The following PGR variants were observed in gnomAD, a reference collection of about 807,000 sequenced individuals.
PGR encodes progesterone receptor, also known as nuclear receptor subfamily 3 group C member 3.
In PGR, 25 loss-of-function variants were observed where a neutral mutation model predicts 76.1. That is an observed-to-expected ratio of 0.33 (90% CI 0.24 to 0.46). The LOEUF (loss-of-function observed/expected upper bound fraction) is 0.46, where lower values mean the gene tolerates loss of function less well. Among genes scored for constraint, PGR ranks in the 20% least tolerant of loss-of-function variants. The pLI, the probability that PGR is intolerant of heterozygous loss-of-function variation, is 1.00. For missense variants in PGR, 1,172 were observed against 1,225.3 expected (o/e 0.96, Z 0.65); for synonymous variants, 579 against 535.0 (o/e 1.08, Z -1.14).
intron 2 of PGR, among the ~76,000 whole-genome samples, chr11:101,110,235 C>T (rs1441369856): frequency 6.6e-6 from 1 of 152,158 alleles, no homozygotes; most frequent in Non-Finnish European, 1.5e-5. Flanking sequence ...CTACAGCTGC[C>T]ATAGATTGTA....
intron 2 of PGR, among the ~76,000 whole-genome samples, chr11:101,093,572 T>C (rs1861745889): frequency 6.6e-6 from 1 of 152,198 alleles, no homozygotes; most frequent in East Asian, 1.9e-4. Flanking sequence ...GGAACTTTCC[T>C]GCCTCAGCCT....
chr11:101,128,597 C>G lies in PGR; in HGVS notation c.474G>C (p.Gln158His). The G allele has an allele frequency of 6.3e-7, 1 of 1,593,364 alleles. No homozygotes were observed. Among genetic ancestry groups the G allele is most frequent in the South Asian group, 1.1e-5 (1 of 88,810 alleles). Residue 158 changes from glutamine (Q) to histidine (H), a missense_variant, in exon 1 of 8, where the codon CAG becomes CAC. By Grantham distance (24) the Gln-to-His change is conservative. This residue lies in a region of PGR where 893 missense variants were observed against 785.9 expected (regional missense o/e 1.14). Coordinates refer to ENST00000325455, the MANE Select transcript of PGR (RefSeq NM_000926.4). The stretch of plus-strand genomic sequence containing the variant: ...GGCTCATGAGCGGGGACAACACCCG[C>G]TGGGTGGCGGGGGCAGCCGGTGGAT... ...PEDPPAAPATQRVLSPLMSRS... is the reference protein window; with the variant it reads ...PEDPPAAPATHRVLSPLMSRS...
chr11:101,061,532 A>C (rs1274993471), intron 4 of PGR, among the ~76,000 whole-genome samples: 1 of 152,184 alleles, frequency 6.6e-6, no homozygotes, highest in Non-Finnish European at 1.5e-5. Context: ...TCTTTTTCTA[A>C]AAGTGCCATT....
intron 3 of PGR, among the ~76,000 whole-genome samples, chr11:101,084,374 G>A (rs1471868079): frequency 6.6e-6 from 1 of 152,064 alleles, no homozygotes; most frequent in Non-Finnish European, 1.5e-5. Flanking sequence ...GTCACAGAGT[G>A]GGTCCAGGCA....
intron 2 of PGR, among the ~76,000 whole-genome samples, chr11:101,101,757 T>C (rs372258252): frequency 7.2e-5 from 11 of 152,358 alleles, no homozygotes; most frequent in African/African-American, 4.8e-5. Context: ...GTCATTCTTG[T>C]CATTAAATTT....
chr11:101,089,930 G>A (rs931575015), intron 3 of PGR, among the ~76,000 whole-genome samples: 3 of 152,214 alleles, frequency 2.0e-5, no homozygotes, highest in Non-Finnish European at 4.4e-5. Context: ...CGGGTGCAGT[G>A]GCTCACGCCT....
In PGR at chr11:101,038,900, A is replaced by C; in HGVS notation, c.*216T>G. 4.4e-6 allele frequency: 2 copies of C among 454,874 alleles called. No individual in the cohort carries two copies. Among genetic ancestry groups the C allele is most frequent in the Non-Finnish European group, 7.8e-6 (2 of 256,178 alleles). The allele number at this position is 454,874 out of a possible 1,614,324, so 28.2% of individuals were successfully genotyped here. ...CTTTTTCAATCTTGTAAATTCTTCA[A>C]GAAAATATGGGTAAACAAAACAGTT... On this transcript the variant is annotated 3_prime_UTR_variant, in exon 8 of 8. Coordinates refer to ENST00000325455, the MANE Select transcript of PGR (RefSeq NM_000926.4).
At chr11:101,101,121 A>G (rs1861985065) in intron 2 of PGR, among the ~76,000 whole-genome samples, 1 of 152,228 alleles carries the variant, frequency 6.6e-6, no homozygotes, top group Non-Finnish European at 1.5e-5. Flanking sequence ...TTGCTGTGAC[A>G]GATGATTTGC....
intron 3 of PGR, among the ~76,000 whole-genome samples, chr11:101,064,689 A>G (rs964545944): frequency 6.6e-6 from 1 of 152,164 alleles, no homozygotes; most frequent in African/African-American, 2.4e-5. Flanking sequence ...TCTTTTGGCA[A>G]TACATGTCTG....
At chr11:101,074,849 C>T (rs1298047493) in intron 3 of PGR, among the ~76,000 whole-genome samples, 1 of 152,166 alleles carries the variant, frequency 6.6e-6, no homozygotes, top group Non-Finnish European at 1.5e-5. Context: ...GAAAAACACT[C>T]TATGCTCATG....
chr11:101,042,026 T>C lies in PGR; in HGVS notation c.2565A>G (p.Ala855=). Residue 855 remains alanine, a synonymous_variant, in exon 7 of 8, where the codon GCA becomes GCG. Coordinates refer to ENST00000325455, the MANE Select transcript of PGR (RefSeq NM_000926.4). ...RSSYIRELIK[A]IGLRQKGVVS... is the part of the protein sequence containing the mutation. ...CAACTCCTTTTTGCCTCAAACCAAT[T>C]GCCTTGATGAGCTCTCTAATGTAGC... is the stretch of plus-strand genomic sequence containing the variant. 4 of 1,613,630 alleles carry C rather than the reference T, an allele frequency of 2.5e-6. No homozygotes were observed. Among genetic ancestry groups the C allele is most frequent in the South Asian group, 1.1e-5 (1 of 91,074 alleles).
chr11:101,058,235 G>A (rs1860361312), intron 4 of PGR, among the ~76,000 whole-genome samples: 1 of 152,138 alleles, frequency 6.6e-6, no homozygotes, highest in Admixed American at 6.5e-5. Flanking sequence ...TGTTGCCACT[G>A]GCAATCATAA....
intron 2 of PGR, among the ~76,000 whole-genome samples, chr11:101,113,950 G>A (rs181219164): frequency 3.3e-5 from 5 of 151,588 alleles, no homozygotes; most frequent in East Asian, 1.9e-4. Context: ...ACTTTCATCC[G>A]CCCCCCCATC....
At position 101,041,937 on chromosome 11, in the gene PGR, A is replaced by G; in HGVS notation, c.2646+8T>C. ...TCATTGATATTCTGGAATCAACCAA[A>G]TACTTACATCATGCAAGTTATCAAG... On this transcript the variant is annotated splice_region_variant and intron_variant, in intron 7 of 7. Transcript: ENST00000325455. The G allele has an allele frequency of 6.2e-7, 1 of 1,607,062 alleles. No homozygotes were observed.
At chr11:101,121,285 T>G (rs549010550) in intron 2 of PGR, among the ~76,000 whole-genome samples, 7 of 152,312 alleles carry the variant, frequency 4.6e-5, no homozygotes, top group Admixed American at 3.9e-4. Flanking sequence ...ATTATTCAAA[T>G]TCAAATAGAT....
chr11:101,083,902 T>A (rs1861400823), intron 3 of PGR, among the ~76,000 whole-genome samples: 1 of 152,110 alleles, frequency 6.6e-6, no homozygotes, highest in African/African-American at 2.4e-5. Flanking sequence ...TGGGGGACTG[T>A]TGGGAAGGCA....
intron 3 of PGR, among the ~76,000 whole-genome samples, chr11:101,064,357 A>C (rs1337206427): frequency 4.1e-5 from 6 of 146,828 alleles, no homozygotes; most frequent in Non-Finnish European, 4.5e-5. Context: ...AAAAAAAAAA[A>C]AAAAAAAAAA....
At chr11:101,124,320 C>T (rs1862773271) in intron 2 of PGR, among the ~76,000 whole-genome samples, 1 of 152,106 alleles carries the variant, frequency 6.6e-6, no homozygotes, top group South Asian at 2.1e-4. Flanking sequence ...TTAGGGTGCT[C>T]TTTGTTCTAT....
chr11:101,051,333 C>A (rs1471491194), intron 5 of PGR, 91 bp downstream of exon 5: 2 of 880,734 alleles, frequency 2.3e-6, no homozygotes, highest in Admixed American at 1.8e-5. Context: ...ATCAAGAACA[C>A]TAAATATGTG....
Sources: gnomAD v4.1 joint callset for allele counts (sites outside exome capture counted in the v4.1 genomes callset) on GRCh38, gnomAD v4.1.1 for gene constraint, gnomAD v4.1.1 regional missense constraint, MANE v1.5 for transcripts, NCBI Gene and HGNC (gene_info 2026-07-23, HGNC 2026-07-21) for gene names.